Variants in MDGA2 observed in about 807,000 individuals in gnomAD.
MDGA2 encodes MAM domain containing glycosylphosphatidylinositol anchor 2, also known as MAM domain-containing glycosylphosphatidylinositol anchor protein 2.
Under a neutral mutation model 117.8 loss-of-function variants are expected in MDGA2, and 40 were observed. The ratio of observed to expected loss-of-function variants is 0.34; its 90% CI spans 0.26 to 0.44. MDGA2 has a LOEUF of 0.44. Ranked by LOEUF, MDGA2 falls within the 20% of genes least tolerant of loss-of-function variation. The probability of loss-of-function intolerance (pLI) is 1.00; values close to 1 mark genes in which losing one functional copy is unlikely to be tolerated. For synonymous variants in MDGA2, 452 were observed against 439.0 expected (o/e 1.03, Z -0.37); for missense variants, 1,123 against 1,250.6 (o/e 0.90, Z 1.54).
At chr14:47,657,457 T>C (rs1183499699) in intron 1 of MDGA2, among the ~76,000 whole-genome samples, 2 of 152,164 alleles carry the variant, frequency 1.3e-5, no homozygotes, top group Admixed American at 1.3e-4. Context: ...AGCATTGAAC[T>C]AGCTAATGCT....
intron 2 of MDGA2, among the ~76,000 whole-genome samples, chr14:47,236,329 G>A (rs1357962372): frequency 2.0e-5 from 3 of 150,624 alleles, no homozygotes; most frequent in African/African-American, 7.3e-5. Context: ...CTGTGGGGAG[G>A]CAAGAGTGTT....
At chr14:47,659,760 T>C (rs1897810949) in intron 1 of MDGA2, among the ~76,000 whole-genome samples, 1 of 152,244 alleles carries the variant, frequency 6.6e-6, no homozygotes, top group African/African-American at 2.4e-5. Flanking sequence ...CTATATTCTA[T>C]AAGTACTCCC....
intron 6 of MDGA2, among the ~76,000 whole-genome samples, chr14:47,085,068 A>C: frequency 6.6e-6 from 1 of 151,232 alleles, no homozygotes; most frequent in Non-Finnish European, 1.5e-5. Flanking sequence ...GGGTCAAAGA[A>C]AAAAAAATCA....
chr14:47,057,382 A>G (rs1889716260), intron 7 of MDGA2, among the ~76,000 whole-genome samples: 1 of 152,038 alleles, frequency 6.6e-6, no homozygotes, highest in Non-Finnish European at 1.5e-5. Context: ...CCTTAAGGGC[A>G]AGGCCTATTT....
At chr14:47,481,288 A>T (rs1426545552) in intron 1 of MDGA2, among the ~76,000 whole-genome samples, 1 of 152,042 alleles carries the variant, frequency 6.6e-6, no homozygotes, top group Non-Finnish European at 1.5e-5. Context: ...AAACTTTTAA[A>T]CCAACATCTA....
rs551235188 is a variant in MDGA2, at chr14:47,095,002, C to T, written c.1195+1852G>A. ...TTTGTTTTCTATATATTTCCATATA[C>T]GATTACTTTGTATTTCTGTATTCCA... is the stretch of plus-strand genomic sequence containing the variant. On this transcript the variant is annotated intron_variant, in intron 6 of 16. Coordinates refer to ENST00000399232, the MANE Select transcript of MDGA2 (RefSeq NM_001113498.3). Among the ~76,000 whole-genome samples, 7 of 152,066 alleles carry T rather than the reference C, an allele frequency of 4.6e-5. No individual in the cohort carries two copies. In the South Asian group the frequency reaches 8.3e-4, roughly 18 times the overall value.
chr14:47,434,344 T>C (rs1437780440), intron 1 of MDGA2, among the ~76,000 whole-genome samples: 1 of 152,166 alleles, frequency 6.6e-6, no homozygotes, highest in Non-Finnish European at 1.5e-5. Context: ...ATAGTAATGT[T>C]ACCTTTAATT....
At chr14:47,017,945 T>C (rs573272515) in intron 8 of MDGA2, among the ~76,000 whole-genome samples, 1 of 152,248 alleles carries the variant, frequency 6.6e-6, no homozygotes, top group African/African-American at 2.4e-5. Context: ...TTTCTGGTAT[T>C]TATTGCTCTC....
chr14:47,080,727 C>T (rs1257218865), intron 6 of MDGA2, among the ~76,000 whole-genome samples: 2 of 152,276 alleles, frequency 1.3e-5, no homozygotes, highest in African/African-American at 2.4e-5. Context: ...CTAGCCTTTT[C>T]CATTGTGTTT....
At chr14:47,492,864 G>C (rs1304216782) in intron 1 of MDGA2, among the ~76,000 whole-genome samples, 1 of 151,894 alleles carries the variant, frequency 6.6e-6, no homozygotes, top group Non-Finnish European at 1.5e-5. Flanking sequence ...ACAGTCTTTT[G>C]GTTCATAATT....
intron 5 of MDGA2, among the ~76,000 whole-genome samples, chr14:47,126,844 G>C (rs1683089246): frequency 1.3e-5 from 2 of 152,230 alleles, no homozygotes; most frequent in South Asian, 4.1e-4. Flanking sequence ...TCTGCAGTAA[G>C]AACTTTTTAG....
At chr14:47,554,205 G>A (rs1233325188) in intron 1 of MDGA2, among the ~76,000 whole-genome samples, 4 of 152,140 alleles carry the variant, frequency 2.6e-5, no homozygotes, top group African/African-American at 9.7e-5. Flanking sequence ...CCATCTGACT[G>A]TCTCTGATGA....
At chr14:47,270,477 G>T (rs1888108488) in intron 2 of MDGA2, among the ~76,000 whole-genome samples, 1 of 152,092 alleles carries the variant, frequency 6.6e-6, no homozygotes, top group Non-Finnish European at 1.5e-5. Flanking sequence ...TTTAACAGAA[G>T]AACATAAAAT....
At chr14:46,883,626 G>T (rs995990948) in intron 10 of MDGA2, among the ~76,000 whole-genome samples, 14 of 131,896 alleles carry the variant, frequency 1.1e-4, no homozygotes, top group African/African-American at 4.0e-4. Context: ...GTCTACGTAG[G>T]AATCTCTCTC....
chr14:46,919,914 T>C, intron 10 of MDGA2, 98 bp downstream of exon 10: 1 of 1,074,178 alleles, frequency 9.3e-7, no homozygotes, highest in Non-Finnish European at 1.3e-6. Context: ...ATACATAAAA[T>C]ATATTTTGGA....
At chr14:47,141,380 AT>A (rs761467206) in intron 4 of MDGA2, among the ~76,000 whole-genome samples, 4 of 152,226 alleles carry the variant, frequency 2.6e-5, no homozygotes, top group Non-Finnish European at 4.4e-5. Flanking sequence ...TAGACAAAAT[AT>A]GGAATAAACC....
chr14:46,977,512 A>G (rs1283628489), intron 8 of MDGA2, among the ~76,000 whole-genome samples: 1 of 151,954 alleles, frequency 6.6e-6, no homozygotes, highest in Non-Finnish European at 1.5e-5. Flanking sequence ...TCCAAATATG[A>G]AATGGTCATT....
At chr14:47,436,604 A>G (rs1594855861) in intron 1 of MDGA2, among the ~76,000 whole-genome samples, 5 of 152,084 alleles carry the variant, frequency 3.3e-5, no homozygotes, top group African/African-American at 9.7e-5. Flanking sequence ...GGGGTGTCCA[A>G]TCTTTTGGCT....
chr14:46,966,438 C>T (rs1886034026), intron 8 of MDGA2, among the ~76,000 whole-genome samples: 1 of 152,174 alleles, frequency 6.6e-6, no homozygotes, highest in Admixed American at 6.5e-5. Context: ...GGTTGACCTA[C>T]TCACACCATC....
Sources: gnomAD v4.1 joint callset for allele counts (sites outside exome capture counted in the v4.1 genomes callset) on GRCh38, gnomAD v4.1.1 for gene constraint, MANE v1.5 for transcripts, NCBI Gene and HGNC (gene_info 2026-07-23, HGNC 2026-07-21) for gene names.